The following GLG1 variants were observed in gnomAD, a reference collection of about 807,000 sequenced individuals.
GLG1 encodes the protein golgi glycoprotein 1.
Under a neutral mutation model 160.5 loss-of-function variants are expected in GLG1, and 38 were observed. The observed-to-expected ratio is 0.24, with a 90% CI of 0.18 to 0.31. GLG1 has a LOEUF of 0.31. Ranked by LOEUF, GLG1 falls within the 10% of genes least tolerant of loss-of-function variation. The probability of loss-of-function intolerance (pLI) is 1.00; values close to 1 mark genes in which losing one functional copy is unlikely to be tolerated. For missense variants in GLG1, 1,373 were observed against 1,505.2 expected (o/e 0.91, Z 1.45); for synonymous variants, 644 against 543.4 (o/e 1.19, Z -2.57).
At chr16:74,541,403 C>T (rs2017864362) in intron 1 of GLG1, among the ~76,000 whole-genome samples, 2 of 149,186 alleles carry the variant, frequency 1.3e-5, no homozygotes, top group South Asian at 4.2e-4. Flanking sequence ...TACAAGATAA[C>T]GGATCCCCTC....
chr16:74,574,277 C>G (rs897427596), intron 1 of GLG1, among the ~76,000 whole-genome samples: 3 of 152,182 alleles, frequency 2.0e-5, no homozygotes, highest in African/African-American at 7.2e-5. Flanking sequence ...CCAAGAAAAT[C>G]TCAGCTAAAG....
At chr16:74,577,389 G>C (rs966052244) in intron 1 of GLG1, among the ~76,000 whole-genome samples, 3 of 151,934 alleles carry the variant, frequency 2.0e-5, no homozygotes, top group Non-Finnish European at 2.9e-5. Flanking sequence ...AGGTGTGGTG[G>C]CAGGCACCTG....
At chr16:74,521,679 T>G (rs183486514) in intron 2 of GLG1, among the ~76,000 whole-genome samples, 2 of 152,122 alleles carry the variant, frequency 1.3e-5, no homozygotes, top group African/African-American at 4.8e-5. Flanking sequence ...AATCAGCAGC[T>G]AAAGTCTGAG....
intron 2 of GLG1, among the ~76,000 whole-genome samples, chr16:74,522,554 T>A (rs1026794760): frequency 2.0e-5 from 3 of 152,250 alleles, no homozygotes; most frequent in African/African-American, 7.2e-5. Context: ...TATTTTTTTT[T>A]ATTCCACTGG....
At chr16:74,523,786 C>T (rs1012668080) in intron 2 of GLG1, among the ~76,000 whole-genome samples, 4 of 152,046 alleles carry the variant, frequency 2.6e-5, no homozygotes, top group Admixed American at 2.6e-4. Flanking sequence ...GACCTTCTAT[C>T]ATGAGACTTT....
chr16:74,604,055 C>A (rs1415993699), intron 1 of GLG1, among the ~76,000 whole-genome samples: 2 of 151,712 alleles, frequency 1.3e-5, no homozygotes, highest in Non-Finnish European at 2.9e-5. Context: ...CTTTGGAAAG[C>A]CCAGCTGGGA....
intron 1 of GLG1, among the ~76,000 whole-genome samples, chr16:74,599,590 C>A (rs1958390003): frequency 6.6e-6 from 1 of 151,966 alleles, no homozygotes. Context: ...CTCGGCCGGA[C>A]ACAGTGGCTC....
At chr16:74,518,638 A>G (rs946742139) in intron 2 of GLG1, among the ~76,000 whole-genome samples, 4 of 152,326 alleles carry the variant, frequency 2.6e-5, no homozygotes, top group African/African-American at 9.6e-5. Context: ...TTCAGGACAT[A>G]GGCATGGGCA....
At position 74,503,712 on chromosome 16, in the gene GLG1, C is replaced by T; in HGVS notation, c.593G>A (p.Gly198Asp). Residue 198 changes from glycine (G) to aspartate (D), a missense_variant, in exon 4 of 26, where the codon GGT becomes GAT. This residue lies in a region of GLG1 where 174 missense variants were observed against 229.9 expected (regional missense o/e 0.76). Coordinates refer to ENST00000422840, the MANE Select transcript of GLG1 (RefSeq NM_001145667.2). Reference sequence around the variant, plus strand: ...ATCCACCAAGCAGGAAACCATGTAACCTTTTCCAACCGGTTCATCAGCACA... The same window carrying T: ...ATCCACCAAGCAGGAAACCATGTAATCTTTTCCAACCGGTTCATCAGCACA... ...KECADEPVGK[G>D]YMVSCLVDHR... is the part of the protein sequence containing the mutation. The T allele has an allele frequency of 6.2e-7, 1 of 1,612,942 alleles. No homozygotes were observed. Among genetic ancestry groups the T allele is most frequent in the Non-Finnish European group, 8.5e-7 (1 of 1,179,000 alleles).
chr16:74,522,467 C>T (rs1365223897), intron 2 of GLG1, among the ~76,000 whole-genome samples: 15 of 152,174 alleles, frequency 9.9e-5, no homozygotes, highest in Admixed American at 9.8e-4. Flanking sequence ...GATTACTAAG[C>T]GAAGTTAAGC....
intron 1 of GLG1, among the ~76,000 whole-genome samples, chr16:74,594,880 C>A (rs770268329): frequency 1.3e-5 from 2 of 152,112 alleles, no homozygotes; most frequent in Non-Finnish European, 2.9e-5. Flanking sequence ...TGGAATACTG[C>A]CTATCAAATC....
chr16:74,558,609 C>T (rs1166329726), intron 1 of GLG1, among the ~76,000 whole-genome samples: 1 of 152,152 alleles, frequency 6.6e-6, no homozygotes, highest in African/African-American at 2.4e-5. Flanking sequence ...ACTTGAGAAC[C>T]TTAAGACATT....
chr16:74,499,137 G>A (rs781411301), intron 4 of GLG1, among the ~76,000 whole-genome samples: 24 of 152,180 alleles, frequency 1.6e-4, no homozygotes, highest in Non-Finnish European at 3.1e-4. Flanking sequence ...TGTAGAACAT[G>A]AAGTGTCTAG....
chr16:74,462,616 G>T lies in GLG1; in HGVS notation c.2806C>A (p.Pro936Thr). The T allele has an allele frequency of 6.2e-7, 1 of 1,614,000 alleles. No homozygotes were observed. Among genetic ancestry groups the T allele is most frequent in the Non-Finnish European group, 8.5e-7 (1 of 1,179,920 alleles). ...ITQNTDYRLN[P>T]MLRKACKADI... ...GCTTTACAGGCTTTTCTTAACATGG[G>T]GTTTAAGCGGTAATCTAGAGTAGAA... The change falls in exon 21 of 26, where the codon CCC becomes ACC. Residue 936 changes from proline (P) to threonine (T), a missense_variant. Physicochemically the swap from Pro to Thr is conservative, Grantham distance 38. Transcript: ENST00000422840.
At chr16:74,518,939 G>C (rs561158966) in intron 2 of GLG1, among the ~76,000 whole-genome samples, 1 of 152,224 alleles carries the variant, frequency 6.6e-6, no homozygotes, top group South Asian at 2.1e-4. Context: ...ATTCCTCAAG[G>C]ATCTAGAACT....
chr16:74,519,508 C>T (rs1250967282), intron 2 of GLG1, among the ~76,000 whole-genome samples: 4 of 149,588 alleles, frequency 2.7e-5, no homozygotes, highest in Admixed American at 6.7e-5. Context: ...ATAGTACATA[C>T]GATTATGTGC....
At position 74,606,802 on chromosome 16, in the gene GLG1, G is replaced by C; in HGVS notation, c.293C>G (p.Pro98Arg). The C allele has an allele frequency of 6.3e-7, 1 of 1,595,040 alleles. No individual in the cohort carries two copies. The highest frequency in any genetic ancestry group is 8.5e-7 in the Non-Finnish European group (1 of 1,171,600). The change falls in exon 1 of 26, where the codon CCG (proline) becomes CGG (arginine). Residue 98 changes from proline (P) to arginine (R), a missense_variant. This residue lies in a region of GLG1 where 322 missense variants were observed against 254.6 expected (regional missense o/e 1.26). Coordinates refer to ENST00000422840, the MANE Select transcript of GLG1 (RefSeq NM_001145667.2). ...PQPPFPAGGP[P>R]ARRGGAGAGG... ...AGCCCCCGCTCCTCCCCGCCGGGCCGGAGGCCCACCCGCCGGGAAAGGCGG... is the reference window on the plus strand; with the variant it reads ...AGCCCCCGCTCCTCCCCGCCGGGCCCGAGGCCCACCCGCCGGGAAAGGCGG...
At chr16:74,588,045 G>A (rs1958091240) in intron 1 of GLG1, among the ~76,000 whole-genome samples, 2 of 151,474 alleles carry the variant, frequency 1.3e-5, no homozygotes, top group Admixed American at 1.3e-4. Context: ...CAGTGAACCT[G>A]AAGATCAGCA....
Position 74,582,826 on chromosome 16 carries a change from A to C in GLG1, c.438+23831T>G, listed in dbSNP as rs1414418415. ...CAAGAGTGAGACTCCTTCTCAAAAA[A>C]ATAAATAAAATAAAATAAAATAAAA... On this transcript the variant is annotated intron_variant, in intron 1 of 25. Coordinates refer to ENST00000422840, the MANE Select transcript of GLG1 (RefSeq NM_001145667.2). Among the ~76,000 whole-genome samples the C allele has an allele frequency of 2.1e-5, 3 of 144,690 alleles. No homozygotes were observed. The Admixed American group carries it at 2.1e-4, about 10-fold the overall frequency. 94.9% of individuals were successfully genotyped at this position (144,690 alleles called of 152,430 possible).
Sources: gnomAD v4.1 joint callset for allele counts (sites outside exome capture counted in the v4.1 genomes callset) on GRCh38, gnomAD v4.1.1 for gene constraint, gnomAD v4.1.1 regional missense constraint, MANE v1.5 for transcripts, NCBI Gene and HGNC (gene_info 2026-07-23, HGNC 2026-07-21) for gene names.